Variants in MCTP1 observed in about 807,000 individuals in gnomAD.
The protein encoded by MCTP1 is multiple C2 and transmembrane domain containing 1.
A neutral mutation model predicts 120.6 loss-of-function variants in MCTP1; 69 were observed. That is an observed-to-expected ratio of 0.57 (90% CI 0.47 to 0.70). The LOEUF is 0.70. Among genes scored for constraint, MCTP1 ranks in the 30% least tolerant of loss-of-function variants. MCTP1 has a pLI of 0.00. For missense variants in MCTP1, 1,203 were observed against 1,248.8 expected (o/e 0.96, Z 0.55); for synonymous variants, 529 against 493.1 (o/e 1.07, Z -0.96).
intron 2 of MCTP1, among the ~76,000 whole-genome samples, chr5:94,957,044 C>A (rs1313420157): frequency 6.6e-6 from 1 of 152,164 alleles, no homozygotes; most frequent in Non-Finnish European, 1.5e-5. Flanking sequence ...CAAAGGGAAG[C>A]CCATCAGACT....
intron 2 of MCTP1, among the ~76,000 whole-genome samples, chr5:94,958,746 A>G (rs995160111): frequency 1.3e-5 from 2 of 152,246 alleles, no homozygotes; most frequent in South Asian, 2.1e-4. Flanking sequence ...TGAATAGACC[A>G]ATAACAAGTT....
At chr5:94,978,947 GAGAAAGAACTT>G (rs1388437628) in intron 2 of MCTP1, 2 of 151,950 alleles carry the variant, frequency 1.3e-5, no homozygotes, top group Non-Finnish European at 2.9e-5. Context: ...GAGTTTTTGA[GAGAAAGAACTT>G]AGCTGTTTGA....
intron 1 of MCTP1, among the ~76,000 whole-genome samples, chr5:95,243,939 G>A (rs771209506): frequency 5.3e-5 from 8 of 152,210 alleles, no homozygotes; most frequent in East Asian, 1.9e-4. Context: ...ATTCGAAGAC[G>A]ATTCTCCACT....
chr5:95,106,125 G>T (rs1757063632), intron 1 of MCTP1, among the ~76,000 whole-genome samples: 1 of 152,104 alleles, frequency 6.6e-6, no homozygotes, highest in Non-Finnish European at 1.5e-5. Flanking sequence ...TATCTTTCTG[G>T]GGAACCATCA....
intron 1 of MCTP1, among the ~76,000 whole-genome samples, chr5:95,210,261 G>A (rs950227903): frequency 6.6e-6 from 1 of 152,108 alleles, no homozygotes; most frequent in Non-Finnish European, 1.5e-5. Flanking sequence ...TCTGTCTAAT[G>A]TTGACAGTGG....
rs1754120042 is a variant in MCTP1, at chr5:94,704,606, GTATCAAT to G, written c.*2883_*2889del. The G allele has an allele frequency of 6.6e-6, 1 of 151,196 alleles. No homozygotes were observed. The highest frequency in any genetic ancestry group is 2.4e-5 in the African/African-American group (1 of 41,290). The allele number at this position is 151,196 out of a possible 1,614,324, so 9.4% of individuals were successfully genotyped here. On this transcript the variant is annotated 3_prime_UTR_variant, in exon 23 of 23. Coordinates refer to ENST00000515393, the MANE Select transcript of MCTP1 (RefSeq NM_024717.7). ...TTTTATAAAAGATAATTTTAGAAAT[GTATCAAT>G]TAAATTTGGCTCTCACTGTACTTCA... is the stretch of plus-strand genomic sequence containing the variant.
intron 18 of MCTP1, among the ~76,000 whole-genome samples, chr5:94,795,337 CTT>C (rs1480393025): frequency 6.6e-6 from 1 of 152,160 alleles, no homozygotes; most frequent in African/African-American, 2.4e-5. Context: ...GTTTCTCTCT[CTT>C]GGAGGAGGAC....
At chr5:95,246,094 G>T (rs1756747347) in intron 1 of MCTP1, among the ~76,000 whole-genome samples, 1 of 152,064 alleles carries the variant, frequency 6.6e-6, no homozygotes, top group Non-Finnish European at 1.5e-5. Context: ...CCTAAGTGAA[G>T]GAGAAATAAA....
At chr5:95,090,689 T>TTAAAAAATAAAATACTTAGTTAAAAAAA (rs555534518) in intron 1 of MCTP1, among the ~76,000 whole-genome samples, 95 of 152,332 alleles carry the variant, frequency 6.2e-4, no homozygotes, top group Admixed American at 4.9e-3. Context: ...TAAAAAATAT[T>TTAAAAAATAAAATACTTAGTTAAAAAAA]GCCATAATGC....
intron 1 of MCTP1, among the ~76,000 whole-genome samples, chr5:95,216,941 A>G (rs1753106518): frequency 6.6e-6 from 1 of 152,202 alleles, no homozygotes; most frequent in South Asian, 2.1e-4. Flanking sequence ...ACTGCTAAAT[A>G]AAAAGAAGAT....
intron 1 of MCTP1, among the ~76,000 whole-genome samples, chr5:95,170,515 A>T (rs1262108582): frequency 6.6e-6 from 1 of 152,120 alleles, no homozygotes; most frequent in Non-Finnish European, 1.5e-5. Flanking sequence ...TGGGGTGTTA[A>T]AGTCTCCCAT....
At chr5:94,907,443 A>C (rs544366111) in intron 10 of MCTP1, among the ~76,000 whole-genome samples, 43 of 152,174 alleles carry the variant, frequency 2.8e-4, no homozygotes, top group Non-Finnish European at 4.3e-4. Context: ...TTTGGGCTTA[A>C]ATTGCTCTCA....
intron 6 of MCTP1, among the ~76,000 whole-genome samples, 191 bp from the exon 7 acceptor site, chr5:94,924,212 G>A (rs1484029103): frequency 6.6e-6 from 1 of 151,996 alleles, no homozygotes; most frequent in East Asian, 1.9e-4. Flanking sequence ...GTAAAGTTTA[G>A]AGAGGATTAT....
At chr5:94,954,183 C>CATATATATACATATATATATGCAT (rs1821905682) in intron 2 of MCTP1, among the ~76,000 whole-genome samples, 4 of 57,766 alleles carry the variant, frequency 6.9e-5, no homozygotes, top group East Asian at 4.4e-4. Flanking sequence ...TATATATATG[C>CATATATATACATATATATATGCAT]ATATATATAT....
chr5:94,873,406 T>A (rs1376372221), intron 12 of MCTP1, among the ~76,000 whole-genome samples, 165 bp from the exon 13 acceptor site: 1 of 152,006 alleles, frequency 6.6e-6, no homozygotes, highest in Admixed American at 6.6e-5. Flanking sequence ...TAGAGTTAGA[T>A]GTAACTGGTT....
At chr5:95,240,665 T>C (rs1756060181) in intron 1 of MCTP1, among the ~76,000 whole-genome samples, 1 of 152,208 alleles carries the variant, frequency 6.6e-6, no homozygotes, top group Non-Finnish European at 1.5e-5. Flanking sequence ...AACATATCTA[T>C]CAAATCAGTG....
Position 94,944,659 on chromosome 5 carries a change from T to TTTCCTAGC in MCTP1, c.982-2233_982-2232insGCTAGGAA, listed in dbSNP as rs1372869850. Among the ~76,000 whole-genome samples, 647 of 152,308 alleles carry TTTCCTAGC rather than the reference T, an allele frequency of 4.2e-3. 1 individual carries two copies. Among genetic ancestry groups the TTTCCTAGC allele is most frequent in the Middle Eastern group, 0.031 (9 of 294 alleles). On this transcript the variant is annotated intron_variant, in intron 3 of 22. Transcript: ENST00000515393. ...ATCCAACCTCTTTTCACTCTCCTAG[T>TTTCCTAGC]GAGAGTCTTTCCTATTATCCTAATG...
chr5:95,199,494 C>T (rs1166066831), intron 1 of MCTP1, among the ~76,000 whole-genome samples: 4 of 152,146 alleles, frequency 2.6e-5, no homozygotes, highest in Non-Finnish European at 5.9e-5. Context: ...TATCACCAAT[C>T]AGCAGAAAAA....
chr5:95,222,261 T>C (rs1216355192), intron 1 of MCTP1, among the ~76,000 whole-genome samples: 1 of 152,214 alleles, frequency 6.6e-6, no homozygotes, highest in Non-Finnish European at 1.5e-5. Flanking sequence ...CCTAGTCACA[T>C]GGCTATGCCT....
Sources: allele counts gnomAD v4.1 joint callset (sites outside exome capture counted in the v4.1 genomes callset), GRCh38; gene constraint gnomAD v4.1.1; transcripts MANE v1.5; gene names NCBI Gene and HGNC (gene_info 2026-07-23, HGNC 2026-07-21).